ARHGAP15: variants seen among roughly 807,000 people sequenced by gnomAD.
The protein encoded by ARHGAP15 is rho GTPase-activating protein 15.
ARHGAP15 carries 51 observed loss-of-function variants against 63.7 expected under a neutral mutation model. The observed-to-expected ratio is 0.80, with a 90% CI of 0.64 to 1.01. The LOEUF is 1.01. ARHGAP15 is among the 50% of genes least tolerant of loss of function. The pLI is 0.00. For synonymous variants in ARHGAP15, 191 were observed against 193.8 expected (o/e 0.99, Z 0.12); for missense variants, 560 against 564.6 (o/e 0.99, Z 0.08).
At chr2:143,567,992 T>TTCCTTAC (rs1696297523) in intron 11 of ARHGAP15, among the ~76,000 whole-genome samples, 1 of 152,200 alleles carries the variant, frequency 6.6e-6, no homozygotes, top group South Asian at 2.1e-4. Context: ...ACTGGATCCC[T>TTCCTTAC]TCCTTACACC....
chr2:143,726,520 C>T (rs1457705974), intron 13 of ARHGAP15, among the ~76,000 whole-genome samples: 1 of 152,182 alleles, frequency 6.6e-6, no homozygotes. Flanking sequence ...CCCACACCTA[C>T]TGATGTGGTC....
At chr2:143,145,438 C>T (rs1014322314) in intron 1 of ARHGAP15, among the ~76,000 whole-genome samples, 1 of 151,996 alleles carries the variant, frequency 6.6e-6, no homozygotes, top group African/African-American at 2.4e-5. Flanking sequence ...TGAGGTTCTA[C>T]CTTTCTATTG....
chr2:143,194,176 AG>A (rs780564859), intron 2 of ARHGAP15, among the ~76,000 whole-genome samples: 4 of 152,130 alleles, frequency 2.6e-5, no homozygotes, highest in Non-Finnish European at 5.9e-5. Context: ...CTTTCTTATG[AG>A]GTATTTGTGT....
intron 10 of ARHGAP15, among the ~76,000 whole-genome samples, chr2:143,547,594 G>A (rs1208465800): frequency 6.6e-6 from 1 of 151,508 alleles, no homozygotes; most frequent in Non-Finnish European, 1.5e-5. Flanking sequence ...GTTAGATATT[G>A]TGGCAAGAAC....
At chr2:143,153,364 A>G (rs888942185) in intron 1 of ARHGAP15, among the ~76,000 whole-genome samples, 1 of 151,914 alleles carries the variant, frequency 6.6e-6, no homozygotes, top group Non-Finnish European at 1.5e-5. Context: ...TTCTTAATAC[A>G]TACTTCAAAT....
intron 2 of ARHGAP15, among the ~76,000 whole-genome samples, chr2:143,182,299 A>G (rs1225695942): frequency 6.6e-6 from 1 of 152,104 alleles, no homozygotes; most frequent in African/African-American, 2.4e-5. Context: ...AGGGTTATTC[A>G]TTGGCCTAAT....
intron 1 of ARHGAP15, among the ~76,000 whole-genome samples, chr2:143,142,674 G>T (rs1254805862): frequency 6.6e-6 from 1 of 152,032 alleles, no homozygotes; most frequent in Non-Finnish European, 1.5e-5. Context: ...ACCTTGTGTT[G>T]TGATAGTAAC....
intron 6 of ARHGAP15, among the ~76,000 whole-genome samples, chr2:143,410,268 C>T (rs1382832378): frequency 1.3e-5 from 2 of 152,106 alleles, no homozygotes; most frequent in Non-Finnish European, 2.9e-5. Context: ...GTCATCATCA[C>T]ATCACATGAA....
chr2:143,211,589 T>C (rs1692565495), intron 3 of ARHGAP15, among the ~76,000 whole-genome samples: 2 of 151,982 alleles, frequency 1.3e-5, no homozygotes, highest in African/African-American at 4.8e-5. Flanking sequence ...AGGGTTGTAG[T>C]TATAGAGAGA....
rs377051753 is a variant in ARHGAP15, at chr2:143,518,608, A to C, written c.827-658A>C. Among the ~76,000 whole-genome samples the C allele has an allele frequency of 7.2e-5, 11 of 152,328 alleles. No homozygotes were observed. In the East Asian group the frequency reaches 9.6e-4, roughly 13 times the overall value. On this transcript the variant is annotated intron_variant, in intron 9 of 13. Coordinates refer to ENST00000295095, the MANE Select transcript of ARHGAP15 (RefSeq NM_018460.4). The stretch of plus-strand genomic sequence containing the variant: ...TTTTGTTCGCAGGCCCTTTTTCCTG[A>C]ATCATCTATTAACAGCCTGAGGGTC...
At chr2:143,738,446 C>CCAAT (rs1685838191) in intron 13 of ARHGAP15, among the ~76,000 whole-genome samples, 1 of 152,120 alleles carries the variant, frequency 6.6e-6, no homozygotes, top group Admixed American at 6.6e-5. Context: ...CCAGCAGATA[C>CCAAT]CAATATTGTA....
chr2:143,204,312 A>G (rs1692240911), intron 3 of ARHGAP15, among the ~76,000 whole-genome samples: 2 of 152,158 alleles, frequency 1.3e-5, no homozygotes, highest in Admixed American at 6.6e-5. Flanking sequence ...AACAGATACC[A>G]CAAACAAGGC....
chr2:143,519,539 G>T, intron 10 of ARHGAP15, 175 bp downstream of exon 10: 7 of 473,994 alleles, frequency 1.5e-5, no homozygotes, highest in South Asian at 2.8e-5. Context: ...TTTACAATAG[G>T]GACATTAGTA....
intron 9 of ARHGAP15, among the ~76,000 whole-genome samples, chr2:143,508,037 C>A (rs551228428): frequency 6.6e-6 from 1 of 151,576 alleles, no homozygotes; most frequent in Admixed American, 6.6e-5. Context: ...GTCACCCCCC[C>A]CTCCTCCATA....
chr2:143,259,683 G>C (rs1680619060), intron 6 of ARHGAP15, among the ~76,000 whole-genome samples: 1 of 152,124 alleles, frequency 6.6e-6, no homozygotes, highest in Non-Finnish European at 1.5e-5. Context: ...ACATCCTCTG[G>C]CCCTACATGT....
At chr2:143,144,692 C>T (rs1307287425) in intron 1 of ARHGAP15, among the ~76,000 whole-genome samples, 1 of 151,978 alleles carries the variant, frequency 6.6e-6, no homozygotes, top group South Asian at 2.1e-4. Context: ...TACTTACCTG[C>T]TTAGCTACCT....
intron 6 of ARHGAP15, among the ~76,000 whole-genome samples, chr2:143,363,525 C>T (rs1171765203): frequency 6.6e-6 from 1 of 152,080 alleles, no homozygotes; most frequent in South Asian, 2.1e-4. Context: ...AAAAATAGAA[C>T]ACTCTTGCTA....
In ARHGAP15 at chr2:143,543,506, A is replaced by T. The variant is rs1027556381; in HGVS notation, c.926-12902A>T. Among the ~76,000 whole-genome samples, 17 of 152,092 alleles carry T rather than the reference A, an allele frequency of 1.1e-4. No homozygotes were observed. The South Asian group carries it at 3.5e-3, about 32-fold the overall frequency. On this transcript the variant is annotated intron_variant, in intron 10 of 13. Transcript: ENST00000295095. ...AATTTCTCCCATTCTATAGGTTGCC[A>T]CTCCACTCTGTTGATTGTTTCCTTT...
intron 2 of ARHGAP15, 95 bp downstream of exon 2, chr2:143,155,750 C>A: frequency 7.6e-7 from 1 of 1,307,298 alleles, no homozygotes; most frequent in Non-Finnish European, 1.0e-6. Context: ...TATTTGTTTT[C>A]CTAATGTGCA....
Sources: gnomAD v4.1 joint callset for allele counts (sites outside exome capture counted in the v4.1 genomes callset) on GRCh38, gnomAD v4.1.1 for gene constraint, MANE v1.5 for transcripts, NCBI Gene and HGNC (gene_info 2026-07-23, HGNC 2026-07-21) for gene names.